The following EXTL3 variants were observed in gnomAD, a reference collection of about 807,000 sequenced individuals.
EXTL3 encodes the protein exostosin-like 3.
EXTL3 carries 27 observed loss-of-function variants against 69.3 expected under a neutral mutation model. That is an observed-to-expected ratio of 0.39 (90% CI 0.29 to 0.54). The LOEUF (loss-of-function observed/expected upper bound fraction) is 0.54, where lower values mean the gene tolerates loss of function less well. Among genes scored for constraint, EXTL3 ranks in the 20% least tolerant of loss-of-function variants. The probability of loss-of-function intolerance (pLI) is 0.69; values close to 1 mark genes in which losing one functional copy is unlikely to be tolerated. For missense variants in EXTL3, 1,003 were observed against 1,231.8 expected (o/e 0.81, Z 2.78); for synonymous variants, 511 against 499.4 (o/e 1.02, Z -0.31).
chr8:28,668,865 C>CATTTTTTTTT (rs1807240323), intron 1 of EXTL3, among the ~76,000 whole-genome samples: 1 of 94,478 alleles, frequency 1.1e-5, no homozygotes, highest in Non-Finnish European at 1.9e-5. Context: ...GATAGAATCT[C>CATTTTTTTTT]TTTTTTTTTT....
upstream of EXTL3, chr8:28,697,656 G>A (rs1354524555): frequency 6.6e-6 from 1 of 152,000 alleles, no homozygotes; most frequent in East Asian, 1.9e-4. Flanking sequence ...GCAACATGGT[G>A]AAATCCCATC....
chr8:28,623,052 G>A lies in EXTL3; in HGVS notation c.-53+242G>A, dbSNP rs1271899727. Among the ~76,000 whole-genome samples the A allele has an allele frequency of 6.6e-6, 1 of 152,078 alleles. No homozygotes were observed. The highest frequency in any genetic ancestry group is 1.5e-5 in the Non-Finnish European group (1 of 67,996). ...GGGCGATTGCAAGCTCGCGGTCCAT[G>A]TCCCCTGCCTCGGAGTGTGGACGTG... On this transcript the variant is annotated intron_variant, in intron 1 of 6. Coordinates refer to the EXTL3 transcript ENST00000523149. The surrounding 1 kb of genome is among the most constrained non-coding windows in gnomAD (Gnocchi z 4.2).
rs1440188542 is a variant in EXTL3 at position 28,716,999 on chromosome 8, T to G, written c.940T>G (p.Leu314Val). 8 of 1,614,248 alleles carry G rather than the reference T, an allele frequency of 5.0e-6. No individual in the cohort carries two copies. Among genetic ancestry groups the G allele is most frequent in the Non-Finnish European group, 6.8e-6 (8 of 1,180,044 alleles). Residue 314 changes from leucine (L) to valine (V), a missense_variant, in exon 3 of 7, where the codon TTG (leucine) becomes GTG (valine). Transcript: ENST00000220562. This position sits in a 1 kb window ranked among gnomAD's most constrained non-coding sequence, Gnocchi z 7.1. ...YTVQYRPGFD[L>V]VVSPLVHAMS... ...TGTCCAGTACAGACCTGGCTTTGACTTGGTCGTATCACCGCTGGTCCATGC... is the reference window on the plus strand; with the variant it reads ...TGTCCAGTACAGACCTGGCTTTGACGTGGTCGTATCACCGCTGGTCCATGC...
chr8:28,729,726 C>T (rs6983372), intron 3 of EXTL3, among the ~76,000 whole-genome samples: 44,953 of 150,226 alleles, frequency 0.3, 6,809 homozygotes, highest in African/African-American at 0.36. Flanking sequence ...TAGGACCGGG[C>T]GTGGTGGCTC....
chr8:28,677,347 G>C (rs1399372472), intron 1 of EXTL3, among the ~76,000 whole-genome samples: 1 of 151,866 alleles, frequency 6.6e-6, no homozygotes, highest in African/African-American at 2.4e-5. Context: ...GTACCTTTCT[G>C]ACTCCCCCAC....
chr8:28,718,627 T>C (rs1039811553), intron 3 of EXTL3, among the ~76,000 whole-genome samples: 2 of 152,228 alleles, frequency 1.3e-5, no homozygotes, highest in Non-Finnish European at 2.9e-5. Context: ...AGCTGAAGCT[T>C]AGGTTAATGA....
At chr8:28,632,011 C>T (rs1806576831) in intron 1 of EXTL3, among the ~76,000 whole-genome samples, 1 of 151,890 alleles carries the variant, frequency 6.6e-6, no homozygotes, top group East Asian at 1.9e-4. Context: ...TCACTTGAAC[C>T]TGGGAGGCGG....
At chr8:28,723,973 TTTTTTTC>T (rs1402448264) in intron 3 of EXTL3, among the ~76,000 whole-genome samples, 1 of 148,566 alleles carries the variant, frequency 6.7e-6, no homozygotes, top group Non-Finnish European at 1.5e-5. Context: ...AGATATGTAT[TTTTTTTC>T]TTTTTTTTTT....
intron 1 of EXTL3, among the ~76,000 whole-genome samples, chr8:28,712,959 GCCTGATATAA>G (rs148065334): frequency 0.011 from 1,707 of 152,244 alleles, 19 homozygotes; most frequent in Middle Eastern, 0.02. Context: ...ACAAAAGAGA[GCCTGATATAA>G]TAAGCCCCCA....
intron 1 of EXTL3, among the ~76,000 whole-genome samples, chr8:28,664,316 G>A (rs565396775): frequency 1.3e-5 from 2 of 152,342 alleles, no homozygotes; most frequent in African/African-American, 4.8e-5. Flanking sequence ...GTCATTGTGT[G>A]CCCATGTGGC....
chr8:28,652,455 C>T (rs1806939150), intron 1 of EXTL3, among the ~76,000 whole-genome samples: 4 of 151,706 alleles, frequency 2.6e-5, no homozygotes, highest in Admixed American at 2.6e-4. Context: ...CCAGGAGTTC[C>T]AGGCCAGCCT....
At chr8:28,681,680 T>G (rs1807492731) in intron 1 of EXTL3, among the ~76,000 whole-genome samples, 1 of 152,226 alleles carries the variant, frequency 6.6e-6, no homozygotes, top group African/African-American at 2.4e-5. Context: ...GATTGCTGGG[T>G]CATATGGTAG....
At chr8:28,691,572 A>ATTTTTT (rs71222571) in intron 1 of EXTL3, among the ~76,000 whole-genome samples, 2 of 135,492 alleles carry the variant, frequency 1.5e-5, no homozygotes, top group African/African-American at 6.5e-5. Context: ...AGTTTTTGTG[A>ATTTTTT]TTTTTTTTTT....
At chr8:28,651,508 A>G (rs907023737) in intron 1 of EXTL3, among the ~76,000 whole-genome samples, 6 of 152,036 alleles carry the variant, frequency 3.9e-5, no homozygotes, top group Admixed American at 2.0e-4. Context: ...TATTTTTTGT[A>G]GAGACATGCT....
rs182961424 is a variant in EXTL3 at position 28,652,662 on chromosome 8, T to A, written c.-53+29852T>A. On this transcript the variant is annotated intron_variant, in intron 1 of 6. Transcript: ENST00000523149. ...AAGTGAGATCCTGTCTCAAAAAAAA[T>A]ATATAGATATATTTATATATAGCCA... Among the ~76,000 whole-genome samples, 264 of 148,880 alleles carry A rather than the reference T, an allele frequency of 1.8e-3. 4 individuals are homozygous for A. Among genetic ancestry groups the A allele is most frequent in the African/African-American group, 5.4e-3 (223 of 41,000 alleles).
intron 1 of EXTL3, among the ~76,000 whole-genome samples, chr8:28,710,201 T>C (rs995522706): frequency 6.6e-6 from 1 of 152,178 alleles, no homozygotes; most frequent in African/African-American, 2.4e-5. Context: ...GGTGTAGATG[T>C]CTGTGTTGCT....
At chr8:28,725,248 T>C (rs74966917) in intron 3 of EXTL3, among the ~76,000 whole-genome samples, 1,807 of 152,234 alleles carry the variant, frequency 0.012, 40 homozygotes, top group African/African-American at 0.041. Flanking sequence ...CAGGCCACGA[T>C]TGCTGTCCCT....
chr8:28,704,717 T>G (rs1800883590), intron 1 of EXTL3, among the ~76,000 whole-genome samples: 1 of 152,178 alleles, frequency 6.6e-6, no homozygotes, highest in Non-Finnish European at 1.5e-5. Flanking sequence ...TCGCCCAGGC[T>G]AGAGTGCAAT....
intron 1 of EXTL3, among the ~76,000 whole-genome samples, chr8:28,651,629 A>G (rs189986926): frequency 6.6e-5 from 10 of 152,276 alleles, no homozygotes; most frequent in East Asian, 1.9e-4. Context: ...CTGACCAGCA[A>G]CAGTCTCTAA....
Sources: gnomAD v4.1 joint callset for allele counts (sites outside exome capture counted in the v4.1 genomes callset) on GRCh38, gnomAD v4.1.1 for gene constraint, Gnocchi (gnomAD v3.1) non-coding constraint, MANE v1.5 for transcripts, NCBI Gene and HGNC (gene_info 2026-07-23, HGNC 2026-07-21) for gene names.